The following CELSR1 variants were observed in gnomAD, a reference collection of about 807,000 sequenced individuals.
CELSR1 encodes cadherin EGF LAG seven-pass G-type receptor 1.
Under a neutral mutation model 249.1 loss-of-function variants are expected in CELSR1, and 110 were observed. That is an observed-to-expected ratio of 0.44 (90% CI 0.38 to 0.52). The LOEUF is 0.52. Among genes scored for constraint, CELSR1 ranks in the 20% least tolerant of loss-of-function variants. The pLI is 0.00. For missense variants in CELSR1, 4,109 were observed against 4,296.4 expected (o/e 0.96, Z 1.22); for synonymous variants, 2,113 against 1,900.0 (o/e 1.11, Z -2.92).
chr22:46,502,824 G>A (rs5767231), intron 1 of CELSR1, among the ~76,000 whole-genome samples: 1 of 152,210 alleles, frequency 6.6e-6, no homozygotes, highest in Non-Finnish European at 1.5e-5. Context: ...TTAAACCACC[G>A]TGGCCAAAAT....
At position 46,448,584 on chromosome 22, in the gene CELSR1, T is replaced by G. The variant is rs1329479308; in HGVS notation, c.4184-9173A>C. 4 of 433,786 alleles carry G rather than the reference T, an allele frequency of 9.2e-6. No homozygotes were observed. Among genetic ancestry groups the G allele is most frequent in the Non-Finnish European group, 1.8e-5 (4 of 218,924 alleles). 26.9% of individuals were successfully genotyped at this position (433,786 alleles called of 1,614,324 possible). A position where few individuals can be genotyped will look rare whatever the true frequency, so the allele number is the denominator to read the frequency against. ...TAAGAAACAGCTAAGAGCTTTGAAC[T>G]AGAAAAACTAGAATTTCCAAAGGCC... On this transcript the variant is annotated intron_variant, in intron 2 of 34. Transcript: ENST00000674500. This position sits in a 1 kb window ranked among gnomAD's most constrained non-coding sequence, Gnocchi z 5.7.
intron 1 of CELSR1, among the ~76,000 whole-genome samples, chr22:46,532,412 T>C (rs974884848): frequency 6.6e-6 from 1 of 152,274 alleles, no homozygotes; most frequent in African/African-American, 2.4e-5. Flanking sequence ...AGGTTTGTAT[T>C]ATACCAAAAC....
rs528194163 is a variant in CELSR1 at position 46,438,082 on chromosome 22, C to A, written c.4406+1107G>T. ...CCCCCTGGCAAGCACACGTACACCG[C>A]TGGCGACGGAGCAATAAAGAAGGGA... On this transcript the variant is annotated intron_variant, in intron 3 of 34. Coordinates refer to ENST00000674500, the MANE Select transcript of CELSR1 (RefSeq NM_001378328.1). Among the ~76,000 whole-genome samples the A allele has an allele frequency of 1.4e-4, 21 of 152,218 alleles. No individual in the cohort carries two copies. The South Asian group carries it at 4.4e-3, about 32-fold the overall frequency.
At chr22:46,486,923 TC>T (rs1268598547) in intron 1 of CELSR1, among the ~76,000 whole-genome samples, 1 of 151,940 alleles carries the variant, frequency 6.6e-6, no homozygotes, top group Non-Finnish European at 1.5e-5. Flanking sequence ...AGGCCCATAT[TC>T]CCCCACCTCT....
rs768793888 is a variant in CELSR1, at chr22:46,409,855, G to A, written c.4959C>T (p.Cys1653=). ...CTCCATTCTGACACCGCCTCCCATC[G>A]CAGAAGTTCCTCCGAGCAGCGCAGC... ...REGCAARRNF[C]DGRRCQNGGT... is the part of the protein sequence containing the mutation. Residue 1653 remains cysteine (C), a synonymous_variant, in exon 8 of 35, where the codon TGC becomes TGT. Transcript: ENST00000674500. This position sits in a 1 kb window ranked among gnomAD's most constrained non-coding sequence, Gnocchi z 9.8. 71 of 1,613,500 alleles carry A rather than the reference G, an allele frequency of 4.4e-5. No homozygotes were observed. The highest frequency in any genetic ancestry group is 3.0e-4 in the South Asian group (27 of 91,082).
chr22:46,472,122 G>A lies in CELSR1; in HGVS notation c.3545-7777C>T, dbSNP rs78872748. ...CATCCCCTGCTTTCCCGGGAAGGGTGAGTCACCTCATTGTGGCTGAGACAT... is the reference window on the plus strand; with the variant it reads ...CATCCCCTGCTTTCCCGGGAAGGGTAAGTCACCTCATTGTGGCTGAGACAT... On this transcript the variant is annotated intron_variant, in intron 1 of 34. Transcript: ENST00000674500. The surrounding 1 kb of genome is among the most constrained non-coding windows in gnomAD (Gnocchi z 7.0). Among the ~76,000 whole-genome samples, 666 of 152,244 alleles carry A rather than the reference G, an allele frequency of 4.4e-3. 2 individuals are homozygous for A. Among genetic ancestry groups the A allele is most frequent in the Non-Finnish European group, 7.6e-3 (515 of 68,014 alleles).
At chr22:46,366,533 A>C in intron 29 of CELSR1, 53 bp from the exon 30 acceptor site, 1 of 1,364,744 alleles carries the variant, frequency 7.3e-7, no homozygotes, top group African/African-American at 1.4e-5. Context: ...CCACATGACC[A>C]CCACGGGGAA....
chr22:46,492,420 C>A (rs554334610), intron 1 of CELSR1, among the ~76,000 whole-genome samples: 127 of 152,296 alleles, frequency 8.3e-4, no homozygotes, highest in African/African-American at 3.0e-3. Flanking sequence ...CAATTTCAAC[C>A]AGGGACAGAA....
At position 46,409,229 on chromosome 22, in the gene CELSR1, G is replaced by A. The variant is rs1454951380; in HGVS notation, c.5060-67C>T. On this transcript the variant is annotated intron_variant, in intron 8 of 34. Transcript: ENST00000674500. The surrounding 1 kb of genome is among the most constrained non-coding windows in gnomAD (Gnocchi z 9.8). ...CACACGGCCGCGGACTTGGCTGCAG[G>A]GGCGGGGGATGGGCCTGCAGGCTAG... is the stretch of plus-strand genomic sequence containing the variant. 1 of 1,561,186 alleles carries A rather than the reference G, an allele frequency of 6.4e-7. No individual in the cohort carries two copies. The highest frequency in any genetic ancestry group is 1.4e-5 in the African/African-American group (1 of 73,388).
rs1920997615 is a variant in CELSR1, at chr22:46,417,356, C to T, written c.4612-5597G>A. 6.6e-6 allele frequency among the ~76,000 whole-genome samples: 1 copy of T among 152,210 alleles called. No homozygotes were observed. The highest frequency in any genetic ancestry group is 2.1e-4 in the South Asian group (1 of 4,832). On this transcript the variant is annotated intron_variant, in intron 5 of 34. Transcript: ENST00000674500. This position sits in a 1 kb window ranked among gnomAD's most constrained non-coding sequence, Gnocchi z 4.1. ...ATTCAAACTGGCCTCCCAGGAGCCT[C>T]GGACAGGACTTTGCCAGAATGCAAA...
At chr22:46,378,518 G>A (rs1402090910) in intron 23 of CELSR1, 73 bp downstream of exon 23, 37 of 1,500,914 alleles carry the variant, frequency 2.5e-5, no homozygotes, top group Non-Finnish European at 3.1e-5. Flanking sequence ...TGGCGGGGAG[G>A]TGCAGGTTTG....
At chr22:46,405,410 A>G (rs1342672387) in intron 9 of CELSR1, among the ~76,000 whole-genome samples, 1 of 148,606 alleles carries the variant, frequency 6.7e-6, no homozygotes, top group Admixed American at 6.8e-5. Context: ...CAATGGGCTG[A>G]GATCATGCCA....
intron 24 of CELSR1, among the ~76,000 whole-genome samples, chr22:46,373,459 G>A (rs2078879312): frequency 7.0e-6 from 1 of 142,172 alleles, no homozygotes; most frequent in Admixed American, 6.9e-5. Context: ...GGGGTTGGGG[G>A]GGCAGCTTCA....
chr22:46,487,323 T>A (rs1044843641), intron 1 of CELSR1, among the ~76,000 whole-genome samples: 4 of 151,488 alleles, frequency 2.6e-5, no homozygotes, highest in African/African-American at 9.7e-5. Flanking sequence ...TGGTATAATA[T>A]CTTTTTAAAG....
At chr22:46,498,249 CAAAAAAAAAAA>C (rs201495106) in intron 1 of CELSR1, among the ~76,000 whole-genome samples, 2 of 57,828 alleles carry the variant, frequency 3.5e-5, no homozygotes, top group African/African-American at 2.4e-4. Context: ...AACTCTGTCT[CAAAAAAAAAAA>C]AAAAAAAAAA....
At chr22:46,378,857 G>T in intron 22 of CELSR1, 140 bp from the exon 23 acceptor site, 2 of 1,122,794 alleles carry the variant, frequency 1.8e-6, no homozygotes, top group Non-Finnish European at 2.5e-6. Context: ...AGTGCTGAAA[G>T]CCCAGCGCCC....
In CELSR1 at chr22:46,500,163, TGGTCCTCCCAGCATGATCCCACC is replaced by T; in HGVS notation, c.3544+33441_3544+33463del. Among the ~76,000 whole-genome samples the T allele has an allele frequency of 1.1e-5, 1 of 91,956 alleles. No individual in the cohort carries two copies. Among genetic ancestry groups the T allele is most frequent in the Non-Finnish European group, 2.2e-5 (1 of 46,082 alleles). The allele number at this position is 91,956 out of a possible 152,430, so 60.3% of individuals were successfully genotyped here. ...CCCAGCATGATCCCACCCCAGCCCCTGGTCCTCCCAGCATGATCCCACCCCAGCCCCTGGTCCTCCCAGCATTG... is the reference window on the plus strand; with the variant it reads ...CCCAGCATGATCCCACCCCAGCCCCTCCAGCCCCTGGTCCTCCCAGCATTG... On this transcript the variant is annotated intron_variant, in intron 1 of 34. Transcript: ENST00000674500. The surrounding 1 kb of genome is among the most constrained non-coding windows in gnomAD (Gnocchi z 4.9).
At chr22:46,452,991 G>A (rs1414031535) in intron 2 of CELSR1, among the ~76,000 whole-genome samples, 3 of 152,240 alleles carry the variant, frequency 2.0e-5, no homozygotes, top group Non-Finnish European at 4.4e-5. Context: ...GGTGGGATGG[G>A]TCTAGGTCTT....
In CELSR1 at chr22:46,369,204, G is replaced by A; in HGVS notation, c.7927C>T (p.His2643Tyr). 6.2e-7 allele frequency: 1 copy of A among 1,614,108 alleles called. No individual in the cohort carries two copies. The highest frequency in any genetic ancestry group is 8.5e-7 in the Non-Finnish European group (1 of 1,179,974). The change falls in exon 27 of 35, where the codon CAT (histidine) becomes TAT (tyrosine). Residue 2643 changes from histidine (H) to tyrosine (Y), a missense_variant. His to Tyr is a moderately conservative substitution (Grantham distance 83, BLOSUM62 2). This residue lies in a region of CELSR1 where 1,805 missense variants were observed against 1,831.6 expected (regional missense o/e 0.99). Transcript: ENST00000674500. The part of the protein sequence containing the change: ...SAKVSCQRKH[H>Y]YYGKKGIVSL... ...ACGATCCCTTTTTTCCCATAATAAT[G>A]GTGCTTTCTTTGGCAGGAAACCTTT... is the stretch of plus-strand genomic sequence containing the variant.
Sources: gnomAD v4.1 joint callset for allele counts (sites outside exome capture counted in the v4.1 genomes callset) on GRCh38, gnomAD v4.1.1 for gene constraint, gnomAD v4.1.1 regional missense constraint, Gnocchi (gnomAD v3.1) non-coding constraint, MANE v1.5 for transcripts, NCBI Gene and HGNC (gene_info 2026-07-23, HGNC 2026-07-21) for gene names.